Variants in FAM193A observed in about 807,000 individuals in gnomAD.
The protein encoded by FAM193A is protein FAM193A.
A neutral mutation model predicts 126.5 loss-of-function variants in FAM193A; 22 were observed. The ratio of observed to expected loss-of-function variants is 0.17; its 90% CI spans 0.12 to 0.25. The LOEUF (loss-of-function observed/expected upper bound fraction) is 0.25, where lower values mean the gene tolerates loss of function less well. FAM193A is among the 10% of genes least tolerant of loss of function. The pLI is 1.00. For missense variants in FAM193A, 1,675 were observed against 1,672.8 expected (o/e 1.00, Z -0.02); for synonymous variants, 761 against 646.8 (o/e 1.18, Z -2.68).
rs1278940646 is a variant in FAM193A, at chr4:2,627,549, A to G, written c.803+972A>G. 3.4e-5 allele frequency among the ~76,000 whole-genome samples: 4 copies of G among 117,902 alleles called. 1 individual carries two copies. The highest frequency in any genetic ancestry group is 7.1e-5 in the Non-Finnish European group (4 of 56,078). 77.3% of individuals were successfully genotyped at this position (117,902 alleles called of 152,430 possible). On this transcript the variant is annotated intron_variant, in intron 4 of 20. Transcript: ENST00000637812. Reference sequence around the variant, plus strand: ...ATTCTCATTTGGGTTTCTTTCTCACATTTTGAATGCAGCACATTTGGGAGG... The same window carrying G: ...ATTCTCATTTGGGTTTCTTTCTCACGTTTTGAATGCAGCACATTTGGGAGG...
chr4:2,620,453 T>C (rs1742472101), intron 2 of FAM193A, among the ~76,000 whole-genome samples: 1 of 152,112 alleles, frequency 6.6e-6, no homozygotes, highest in South Asian at 2.1e-4. Flanking sequence ...AGCAGTTTAA[T>C]AGAGGAGATT....
At chr4:2,656,091 CTT>C (rs1051737747) in intron 7 of FAM193A, among the ~76,000 whole-genome samples, 2 of 152,118 alleles carry the variant, frequency 1.3e-5, no homozygotes, top group African/African-American at 4.8e-5. Context: ...CCAGCCAGGA[CTT>C]TTATATCTAT....
chr4:2,550,074 T>C (rs1737818426), intron 1 of FAM193A, among the ~76,000 whole-genome samples: 1 of 148,300 alleles, frequency 6.7e-6, no homozygotes. Context: ...TGTCGCTCTG[T>C]GGCCCAAGCT....
chr4:2,627,077 C>T (rs1357796857), intron 4 of FAM193A, among the ~76,000 whole-genome samples: 1 of 151,646 alleles, frequency 6.6e-6, no homozygotes, highest in Non-Finnish European at 1.5e-5. Flanking sequence ...CGCAGCCGTT[C>T]TTCAGCAGAT....
At chr4:2,601,886 C>T (rs375867950) in intron 2 of FAM193A, among the ~76,000 whole-genome samples, 66 of 151,748 alleles carry the variant, frequency 4.3e-4, no homozygotes, top group African/African-American at 1.4e-3. Context: ...TTGCCCAGGC[C>T]GGAATGCAGT....
chr4:2,666,332 A>C (rs1713112256), intron 12 of FAM193A, among the ~76,000 whole-genome samples: 1 of 152,218 alleles, frequency 6.6e-6, no homozygotes, highest in Non-Finnish European at 1.5e-5. Context: ...TAAGGATATT[A>C]AATCAACCTG....
chr4:2,622,257 C>CAAAAAAAAAAAAAAAAAA (rs71178493), intron 2 of FAM193A, among the ~76,000 whole-genome samples: 1 of 55,570 alleles, frequency 1.8e-5, no homozygotes, highest in African/African-American at 6.8e-5. Flanking sequence ...ACCCTGTCTC[C>CAAAAAAAAAAAAAAAAAA]AAAAAAAAAA....
chr4:2,723,903 T>G (rs1720442639), intron 20 of FAM193A, among the ~76,000 whole-genome samples: 1 of 152,106 alleles, frequency 6.6e-6, no homozygotes, highest in African/African-American at 2.4e-5. Context: ...CAGGCCCAGG[T>G]GATCTTTCCA....
intron 1 of FAM193A, among the ~76,000 whole-genome samples, chr4:2,539,791 C>T (rs1737114421): frequency 6.6e-6 from 1 of 152,106 alleles, no homozygotes; most frequent in African/African-American, 2.4e-5. Flanking sequence ...TACACATAAA[C>T]ACAAAAATTT....
At chr4:2,661,885 G>A (rs1285063823) in intron 10 of FAM193A, among the ~76,000 whole-genome samples, 1 of 152,114 alleles carries the variant, frequency 6.6e-6, no homozygotes, top group Non-Finnish European at 1.5e-5. Context: ...CTTGAAATCT[G>A]TTTAAAATTA....
At chr4:2,551,498 C>G (rs1001569111) in intron 1 of FAM193A, among the ~76,000 whole-genome samples, 1 of 152,132 alleles carries the variant, frequency 6.6e-6, no homozygotes. Context: ...ATTTCTTTCT[C>G]TATGTTAGTA....
At chr4:2,686,695 G>A (rs988095348) in intron 13 of FAM193A, among the ~76,000 whole-genome samples, 5 of 152,174 alleles carry the variant, frequency 3.3e-5, no homozygotes, top group African/African-American at 1.2e-4. Context: ...GTCTTGAGGA[G>A]TCCAGGAGGC....
chr4:2,599,141 G>A (rs74662349), intron 2 of FAM193A, among the ~76,000 whole-genome samples: 1 of 152,222 alleles, frequency 6.6e-6, no homozygotes, highest in African/African-American at 2.4e-5. Context: ...GGGAACATTC[G>A]TTTTGGGGCT....
At chr4:2,731,634 A>G in intron 20 of FAM193A, 141 bp from the exon 21 acceptor site, 1 of 655,236 alleles carries the variant, frequency 1.5e-6, no homozygotes, top group Non-Finnish European at 2.7e-6. Context: ...GACCCTTGAC[A>G]CTGTGCCCCT....
rs1010639973 is a variant in FAM193A at position 2,610,675 on chromosome 4, G to C, written c.501+14346G>C. 1.5e-4 allele frequency among the ~76,000 whole-genome samples: 23 copies of C among 152,268 alleles called. No homozygotes were observed. In the South Asian group the frequency reaches 1.7e-3, roughly 11 times the overall value. ...CAATTTGTTTATCCATTCATCAATA[G>C]AGAGACGTTTGTATTTTCCAGTTTG... On this transcript the variant is annotated intron_variant, in intron 2 of 20. Transcript: ENST00000637812.
chr4:2,719,991 C>T (rs932523908), intron 20 of FAM193A: 16 of 267,322 alleles, frequency 6.0e-5, no homozygotes, highest in East Asian at 3.0e-4. Context: ...GACGGGGTTT[C>T]GCCACATTGC....
chr4:2,665,702 CTT>C (rs1713031819), intron 12 of FAM193A, among the ~76,000 whole-genome samples: 1 of 152,076 alleles, frequency 6.6e-6, no homozygotes, highest in African/African-American at 2.4e-5. Context: ...TAAAAAAAAA[CTT>C]TCTGTAGAGA....
At chr4:2,612,240 G>A (rs1004392333) in intron 2 of FAM193A, among the ~76,000 whole-genome samples, 4 of 151,766 alleles carry the variant, frequency 2.6e-5, no homozygotes, top group African/African-American at 7.3e-5. Context: ...CGTGGCTCAC[G>A]CCTGTAATCC....
intron 12 of FAM193A, 56 bp downstream of exon 12, chr4:2,663,344 T>A: frequency 1.4e-6 from 2 of 1,386,198 alleles, no homozygotes; most frequent in Non-Finnish European, 2.0e-6. Flanking sequence ...GTATTTTCTC[T>A]AAACATGAGC....
Sources: allele counts gnomAD v4.1 joint callset (sites outside exome capture counted in the v4.1 genomes callset), GRCh38; gene constraint gnomAD v4.1.1; transcripts MANE v1.5; gene names NCBI Gene and HGNC (gene_info 2026-07-23, HGNC 2026-07-21).